Variants in TMEM135 observed in about 807,000 individuals in gnomAD.
TMEM135 encodes the protein transmembrane protein 135.
TMEM135 carries 30 observed loss-of-function variants against 60.3 expected under a neutral mutation model. That is an observed-to-expected ratio of 0.50 (90% CI 0.37 to 0.68). The LOEUF is 0.68. Among genes scored for constraint, TMEM135 ranks in the 30% least tolerant of loss-of-function variants. The pLI is 0.00. For missense variants in TMEM135, 468 were observed against 548.8 expected (o/e 0.85, Z 1.47); for synonymous variants, 190 against 186.7 (o/e 1.02, Z -0.14).
chr11:87,184,397 A>G (rs764731869), intron 5 of TMEM135, among the ~76,000 whole-genome samples: 1 of 152,172 alleles, frequency 6.6e-6, no homozygotes, highest in African/African-American at 2.4e-5. Context: ...ATCATGAGGA[A>G]TTAATCTGTA....
chr11:87,116,536 A>G lies in TMEM135; in HGVS notation c.396+25141A>G, dbSNP rs922658662. ...AATTAAATTATGACATTTATTTTAG[A>G]TGCATTTAAATTAGCTGTCTTAATA... On this transcript the variant is annotated intron_variant, in intron 4 of 14. Coordinates refer to ENST00000305494, the MANE Select transcript of TMEM135 (RefSeq NM_022918.4). Among the ~76,000 whole-genome samples, 26 of 151,718 alleles carry G rather than the reference A, an allele frequency of 1.7e-4. No homozygotes were observed. The East Asian group carries it at 4.7e-3, about 27-fold the overall frequency.
chr11:87,069,777 T>A (rs1157060456), intron 2 of TMEM135, among the ~76,000 whole-genome samples: 1 of 152,186 alleles, frequency 6.6e-6, no homozygotes, highest in Non-Finnish European at 1.5e-5. Context: ...TATATTGGAG[T>A]CTTCACAGGT....
intron 6 of TMEM135, among the ~76,000 whole-genome samples, chr11:87,284,506 GA>G (rs1295809475): frequency 6.7e-6 from 1 of 148,612 alleles, no homozygotes; most frequent in Non-Finnish European, 1.5e-5. Flanking sequence ...GGACACACCA[GA>G]AAAAAGTGCA....
chr11:87,235,743 A>T (rs904539153), intron 5 of TMEM135, among the ~76,000 whole-genome samples: 2 of 151,782 alleles, frequency 1.3e-5, no homozygotes, highest in South Asian at 4.1e-4. Context: ...ATTTAAAACA[A>T]CTTTTCTAAT....
intron 4 of TMEM135, among the ~76,000 whole-genome samples, chr11:87,153,409 AG>A (rs1938609022): frequency 6.6e-6 from 1 of 152,142 alleles, no homozygotes; most frequent in South Asian, 2.1e-4. Flanking sequence ...CATCTTGTAG[AG>A]GGGGTTTTGG....
chr11:87,088,242 G>A (rs1857137432), intron 3 of TMEM135, among the ~76,000 whole-genome samples: 1 of 152,112 alleles, frequency 6.6e-6, no homozygotes. Context: ...TCCCCAAGGG[G>A]CTTTTATTGG....
At chr11:87,247,069 CA>C (rs1300626255) in intron 6 of TMEM135, among the ~76,000 whole-genome samples, 46 of 148,362 alleles carry the variant, frequency 3.1e-4, no homozygotes, top group African/African-American at 1.1e-3. Context: ...TTCCTTCTAA[CA>C]GACAGGACGC....
intron 6 of TMEM135, among the ~76,000 whole-genome samples, chr11:87,260,736 T>C (rs1941634930): frequency 6.6e-6 from 1 of 152,058 alleles, no homozygotes; most frequent in Admixed American, 6.6e-5. Flanking sequence ...GAAAGGTTTT[T>C]TTTTTTAATC....
At chr11:87,247,056 G>T (rs1417465444) in intron 6 of TMEM135, among the ~76,000 whole-genome samples, 1 of 148,112 alleles carries the variant, frequency 6.8e-6, no homozygotes, top group African/African-American at 2.5e-5. Context: ...CTGTTTGTTA[G>T]TTTTCCTTCT....
intron 1 of TMEM135, among the ~76,000 whole-genome samples, chr11:87,066,993 A>G (rs1856676792): frequency 6.6e-6 from 1 of 150,902 alleles, no homozygotes; most frequent in Non-Finnish European, 1.5e-5. Flanking sequence ...TGTTGGCCAG[A>G]ATGGTCTTGA....
intron 6 of TMEM135, among the ~76,000 whole-genome samples, chr11:87,241,908 GGTTA>G (rs1941144492): frequency 6.6e-6 from 1 of 151,902 alleles, no homozygotes; most frequent in East Asian, 1.9e-4. Flanking sequence ...ACAATGTGCA[GGTTA>G]GTTACATATG....
chr11:87,090,050 T>A (rs1025628696), intron 3 of TMEM135, among the ~76,000 whole-genome samples: 1 of 152,132 alleles, frequency 6.6e-6, no homozygotes, highest in Admixed American at 6.6e-5. Context: ...TAAGGGCAAT[T>A]GGGTTCTCTT....
intron 4 of TMEM135, among the ~76,000 whole-genome samples, chr11:87,101,486 CTGTT>C (rs1241978412): frequency 6.6e-6 from 1 of 152,192 alleles, no homozygotes; most frequent in Non-Finnish European, 1.5e-5. Context: ...AAAAATCCTT[CTGTT>C]TGAGTCCTTT....
chr11:87,298,801 A>AAAAAAAC (rs1196102263), intron 7 of TMEM135, among the ~76,000 whole-genome samples: 3 of 139,030 alleles, frequency 2.2e-5, no homozygotes, highest in African/African-American at 8.1e-5. Context: ...AAAAAAAAAA[A>AAAAAAAC]AAACAGCCGG....
chr11:87,217,827 G>T (rs1251481960), intron 5 of TMEM135, among the ~76,000 whole-genome samples: 1 of 151,912 alleles, frequency 6.6e-6, no homozygotes, highest in Admixed American at 6.6e-5. Context: ...TTGGTTGCCT[G>T]GTAAAGTTGA....
At chr11:87,163,570 G>A (rs1051731957) in intron 5 of TMEM135, among the ~76,000 whole-genome samples, 3 of 152,046 alleles carry the variant, frequency 2.0e-5, no homozygotes, top group Non-Finnish European at 4.4e-5. Context: ...GGATGGCTGG[G>A]TCAAATGGTA....
intron 6 of TMEM135, among the ~76,000 whole-genome samples, chr11:87,249,920 C>T (rs1271644035): frequency 1.3e-5 from 2 of 151,998 alleles, no homozygotes; most frequent in East Asian, 3.8e-4. Flanking sequence ...TGCAGTGAAA[C>T]TATCAGGTTC....
At chr11:87,068,601 G>T (rs367623902) in intron 2 of TMEM135, among the ~76,000 whole-genome samples, 1 of 152,014 alleles carries the variant, frequency 6.6e-6, no homozygotes, top group Admixed American at 6.6e-5. Flanking sequence ...ACAAGGTCAG[G>T]AGATCGAGGC....
intron 5 of TMEM135, among the ~76,000 whole-genome samples, chr11:87,193,324 A>G (rs1006166006): frequency 6.6e-6 from 1 of 152,096 alleles, no homozygotes; most frequent in African/African-American, 2.4e-5. Flanking sequence ...TATAAGACAA[A>G]TTTATCAAAT....
Sources: gnomAD v4.1 joint callset for allele counts (sites outside exome capture counted in the v4.1 genomes callset) on GRCh38, gnomAD v4.1.1 for gene constraint, MANE v1.5 for transcripts, NCBI Gene and HGNC (gene_info 2026-07-23, HGNC 2026-07-21) for gene names.